Variants in TDRD9 observed in about 807,000 individuals in gnomAD.
TDRD9 encodes the protein ATP-dependent RNA helicase TDRD9.
TDRD9 carries 124 observed loss-of-function variants against 172.6 expected under a neutral mutation model. That is an observed-to-expected ratio of 0.72 (90% CI 0.62 to 0.83). The LOEUF (loss-of-function observed/expected upper bound fraction) is 0.83. Ranked by LOEUF, TDRD9 falls within the 40% of genes least tolerant of loss-of-function variation. The pLI is 0.00. For missense variants in TDRD9, 1,479 were observed against 1,714.1 expected, an observed-to-expected ratio of 0.86 and a Z score of 2.42; for synonymous variants, 619 against 617.1, an observed-to-expected ratio of 1.00 and a Z score of -0.05.
intron 20 of TDRD9, among the ~76,000 whole-genome samples, chr14:104,012,477 G>T (rs2152227132): frequency 6.7e-6 from 1 of 149,446 alleles, no homozygotes; most frequent in African/African-American, 2.4e-5. Context: ...TATGTTTTTT[G>T]GGAGGGAAGG....
chr14:103,929,242 C>G (rs569735362), intron 1 of TDRD9, among the ~76,000 whole-genome samples: 1 of 151,282 alleles, frequency 6.6e-6, no homozygotes, highest in East Asian at 2.0e-4. Context: ...CCCCACTGTT[C>G]CTGCCTCCCT....
chr14:103,969,207 C>T (rs188575555), intron 5 of TDRD9, among the ~76,000 whole-genome samples: 2 of 149,628 alleles, frequency 1.3e-5, no homozygotes, highest in Admixed American at 1.3e-4. Context: ...GAAAAGGTGC[C>T]TCCTAAGGGG....
At chr14:104,010,727 C>G (rs1453001563) in intron 20 of TDRD9, among the ~76,000 whole-genome samples, 1 of 152,142 alleles carries the variant, frequency 6.6e-6, no homozygotes, top group Non-Finnish European at 1.5e-5. Flanking sequence ...CCTTGGTATT[C>G]ACTGGAGGGT....
In TDRD9 at chr14:103,998,899, TCTC is replaced by T. The variant is rs575439576; in HGVS notation, c.1483+174_1483+176del. On this transcript the variant is annotated intron_variant, in intron 13 of 35. Coordinates refer to ENST00000409874, the MANE Select transcript of TDRD9 (RefSeq NM_153046.3). ...GCTCCGCTTCCCGGGTTCTTGCCAT[TCTC>T]CTGCCTCAGCCTCCCGAGTTGCTGG... Among the ~76,000 whole-genome samples the T allele has an allele frequency of 2.1e-3, 321 of 152,178 alleles. 2 individuals are homozygous for T. The highest frequency in any genetic ancestry group is 7.4e-3 in the African/African-American group (306 of 41,496).
chr14:104,019,005 C>A (rs903888129), intron 23 of TDRD9, among the ~76,000 whole-genome samples: 2 of 152,152 alleles, frequency 1.3e-5, no homozygotes, highest in Non-Finnish European at 2.9e-5. Flanking sequence ...ACACAACTCC[C>A]TAATAAGCAA....
chr14:103,982,889 G>A (rs116875686), intron 7 of TDRD9, among the ~76,000 whole-genome samples: 4,329 of 152,068 alleles, frequency 0.028, 126 homozygotes, highest in African/African-American at 0.075. Flanking sequence ...CAACAAGAGC[G>A]AAACTCCGTT....
chr14:104,048,369 G>C (rs903634693), intron 34 of TDRD9, among the ~76,000 whole-genome samples: 1 of 152,142 alleles, frequency 6.6e-6, no homozygotes, highest in African/African-American at 2.4e-5. Flanking sequence ...CTCCCAAGTA[G>C]GTAGGGCTAC....
At chr14:104,031,778 C>T (rs917141468) in intron 29 of TDRD9, among the ~76,000 whole-genome samples, 12 of 107,104 alleles carry the variant, frequency 1.1e-4, no homozygotes, top group African/African-American at 3.3e-4. Context: ...TTTTTGTTGT[C>T]CAAAGGCTTT....
At chr14:104,035,165 C>T in intron 32 of TDRD9, 109 bp downstream of exon 32, 4 of 783,190 alleles carry the variant, frequency 5.1e-6, no homozygotes, top group Non-Finnish European at 8.3e-6. Flanking sequence ...TGGAAGCTAG[C>T]CATGGCACGT....
At position 104,026,854 on chromosome 14, in the gene TDRD9, CAG is replaced by C. The variant is rs770202232; in HGVS notation, c.3198_3199del (p.Val1068ProfsTer30). 29 of 1,613,902 alleles carry C rather than the reference CAG, an allele frequency of 1.8e-5. No individual in the cohort carries two copies. Among genetic ancestry groups the C allele is most frequent in the African/African-American group, 1.5e-4 (11 of 74,932 alleles). The stretch of plus-strand genomic sequence containing the variant: ...CTGCACGTGGATGTGTACCAGTACT[CAG>C]GGGTCCAGGATGCCATCAACATAAG... On this transcript the variant is annotated frameshift_variant, in exon 28 of 36. Coordinates refer to ENST00000409874, the MANE Select transcript of TDRD9 (RefSeq NM_153046.3). LOFTEE classifies it high-confidence loss of function.
At chr14:103,941,366 C>T (rs1566726108) in intron 1 of TDRD9, 3 of 1,473,726 alleles carry the variant, frequency 2.0e-6, no homozygotes, top group Non-Finnish European at 2.7e-6. Flanking sequence ...TTAGCAGTAG[C>T]AGGAATCATA....
intron 9 of TDRD9, among the ~76,000 whole-genome samples, chr14:103,992,641 C>T (rs1355241257): frequency 1.3e-5 from 2 of 152,040 alleles, no homozygotes; most frequent in East Asian, 1.9e-4. Flanking sequence ...ACACCTAACA[C>T]GGACGGGCGT....
chr14:104,005,531 T>C, intron 15 of TDRD9, 126 bp downstream of exon 15: 1 of 998,402 alleles, frequency 1.0e-6, no homozygotes, highest in Admixed American at 2.3e-5. Flanking sequence ...GCTAACTCTG[T>C]TCCTCCTGCC....
chr14:103,932,193 G>A (rs184036537), intron 1 of TDRD9, among the ~76,000 whole-genome samples: 43 of 152,322 alleles, frequency 2.8e-4, no homozygotes, highest in Non-Finnish European at 4.4e-5. Context: ...GCGATTTGTT[G>A]AGGCAGCACT....
chr14:103,937,956 A>G (rs1291688165), intron 1 of TDRD9, among the ~76,000 whole-genome samples: 1 of 151,904 alleles, frequency 6.6e-6, no homozygotes, highest in African/African-American at 2.4e-5. Flanking sequence ...GTCACAGGCA[A>G]TTGGTTCTGT....
At position 104,024,688 on chromosome 14, in the gene TDRD9, T is replaced by C; in HGVS notation, c.2718+8T>C. ...ACTATTGATGTCACAGAGGTAAGGA[T>C]GAAGTAATTGAGCTTTTCCTTCTTC... On this transcript the variant is annotated splice_region_variant and intron_variant, in intron 25 of 35. Transcript: ENST00000409874. The C allele has an allele frequency of 1.3e-6, 2 of 1,504,598 alleles. No homozygotes were observed. The highest frequency in any genetic ancestry group is 9.2e-7 in the Non-Finnish European group (1 of 1,086,888). The allele number at this position is 1,504,598 out of a possible 1,614,324, so 93.2% of individuals were successfully genotyped here. A position where few individuals can be genotyped will look rare whatever the true frequency, so the allele number is the denominator to read the frequency against.
In TDRD9 at chr14:104,052,145, C is replaced by G. The variant is rs1596042128; in HGVS notation, c.*63C>G. The G allele has an allele frequency of 3.3e-6, 4 of 1,196,870 alleles. No individual in the cohort carries two copies. In the South Asian group the frequency reaches 5.4e-5, roughly 16 times the overall value. The allele number at this position is 1,196,870 out of a possible 1,614,324, so 74.1% of individuals were successfully genotyped here. A position where few individuals can be genotyped will look rare whatever the true frequency, so the allele number is the denominator to read the frequency against. On this transcript the variant is annotated 3_prime_UTR_variant, in exon 36 of 36. Transcript: ENST00000409874. Reference sequence around the variant, plus strand: ...AGCTGTGGAGGCTGGATTCCAGGCTCCCTCCGCAGACTGACTTTCCTCTGT... The same window carrying G: ...AGCTGTGGAGGCTGGATTCCAGGCTGCCTCCGCAGACTGACTTTCCTCTGT...
intron 3 of TDRD9, among the ~76,000 whole-genome samples, chr14:103,964,636 C>T (rs1037969748): frequency 6.6e-6 from 1 of 152,162 alleles, no homozygotes; most frequent in Admixed American, 6.5e-5. Flanking sequence ...AAGCAATTCT[C>T]CTGCTTCAAC....
At chr14:104,012,034 G>A (rs937854777) in intron 20 of TDRD9, among the ~76,000 whole-genome samples, 7 of 152,326 alleles carry the variant, frequency 4.6e-5, no homozygotes, top group Admixed American at 1.3e-4. Flanking sequence ...TGCGATGACA[G>A]GCATGAAGTA....
Sources: allele counts gnomAD v4.1 joint callset (sites outside exome capture counted in the v4.1 genomes callset), GRCh38; gene constraint gnomAD v4.1.1; transcripts MANE v1.5; gene names NCBI Gene and HGNC (gene_info 2026-07-23, HGNC 2026-07-21).